RBFOX1: variants seen among roughly 807,000 people sequenced by gnomAD.
The protein encoded by RBFOX1 is RNA binding fox-1 homolog 1, also known as RNA binding protein fox-1 homolog 1.
In RBFOX1, 8 loss-of-function variants were observed where a neutral mutation model predicts 57.7. The observed-to-expected ratio is 0.14, with a 90% CI of 0.08 to 0.25. RBFOX1 has a LOEUF of 0.25. Ranked by LOEUF, RBFOX1 falls within the 10% of genes least tolerant of loss-of-function variation. The pLI, the probability that RBFOX1 is intolerant of heterozygous loss-of-function variation, is 1.00. For synonymous variants in RBFOX1, 326 were observed against 222.4 expected, an observed-to-expected ratio of 1.47 and a Z score of -4.15; for missense variants, 611 against 548.5, an observed-to-expected ratio of 1.11 and a Z score of -1.14.
At chr16:7,178,409 C>T (rs1001188453) in intron 4 of RBFOX1, among the ~76,000 whole-genome samples, 3 of 152,154 alleles carry the variant, frequency 2.0e-5, no homozygotes, top group Non-Finnish European at 4.4e-5. Flanking sequence ...CACAATCTTC[C>T]CAAGTTCGCA....
intron 4 of RBFOX1, among the ~76,000 whole-genome samples, chr16:7,152,015 C>A (rs4359462): frequency 0.38 from 58,397 of 151,938 alleles, 12,292 homozygotes; most frequent in African/African-American, 0.57. Context: ...TGGACTGGTA[C>A]TAGGCCATCG....
intron 1 of RBFOX1, among the ~76,000 whole-genome samples, chr16:5,310,213 C>T (rs1435249493): frequency 6.6e-6 from 1 of 152,062 alleles, no homozygotes; most frequent in African/African-American, 2.4e-5. Flanking sequence ...AGCTGCCTGG[C>T]CAACATGGGG....
intron 2 of RBFOX1, among the ~76,000 whole-genome samples, chr16:6,426,085 C>CCTCTCTCT (rs145432245): frequency 7.1e-6 from 1 of 141,454 alleles, no homozygotes; most frequent in Non-Finnish European, 1.5e-5. Flanking sequence ...TCATTTTCTC[C>CCTCTCTCT]CTCTCTCTCT....
intron 3 of RBFOX1, among the ~76,000 whole-genome samples, chr16:6,918,409 A>G (rs1325714562): frequency 6.6e-6 from 1 of 152,098 alleles, no homozygotes; most frequent in Non-Finnish European, 1.5e-5. Context: ...GGGCCCACTA[A>G]TATTTTTGAA....
chr16:5,321,885 C>A (rs2064419137), intron 1 of RBFOX1, among the ~76,000 whole-genome samples: 1 of 152,122 alleles, frequency 6.6e-6, no homozygotes, highest in Non-Finnish European at 1.5e-5. Flanking sequence ...AGAGCAGGGA[C>A]CCACACCTTG....
intron 4 of RBFOX1, among the ~76,000 whole-genome samples, chr16:7,256,625 G>T (rs1274482579): frequency 6.6e-6 from 1 of 152,082 alleles, no homozygotes; most frequent in African/African-American, 2.4e-5. Flanking sequence ...ACAAACCAAA[G>T]TCATATCTAA....
At chr16:7,211,884 T>A (rs2091213611) in intron 4 of RBFOX1, among the ~76,000 whole-genome samples, 1 of 152,046 alleles carries the variant, frequency 6.6e-6, no homozygotes. Flanking sequence ...CAAAATAAAA[T>A]TAGAAATGTG....
At chr16:5,892,383 A>G (rs1264989546) in intron 4 of RBFOX1, among the ~76,000 whole-genome samples, 3 of 151,960 alleles carry the variant, frequency 2.0e-5, no homozygotes, top group Non-Finnish European at 4.4e-5. Flanking sequence ...TTCCTGGATG[A>G]CCTCTGTCCA....
chr16:6,518,008 T>G (rs1238049389), intron 2 of RBFOX1, among the ~76,000 whole-genome samples: 1 of 152,180 alleles, frequency 6.6e-6, no homozygotes, highest in Non-Finnish European at 1.5e-5. Flanking sequence ...ATGATGTTCT[T>G]GATGCCTCAT....
At chr16:6,249,884 C>T (rs1396205039) in intron 1 of RBFOX1, among the ~76,000 whole-genome samples, 3 of 150,830 alleles carry the variant, frequency 2.0e-5, no homozygotes, top group South Asian at 2.1e-4. Flanking sequence ...AGTAACTCGT[C>T]GTTTAACATT....
At chr16:7,604,952 A>G (rs2095226448) in intron 9 of RBFOX1, among the ~76,000 whole-genome samples, 1 of 152,196 alleles carries the variant, frequency 6.6e-6, no homozygotes, top group Non-Finnish European at 1.5e-5. Context: ...TGAGATGGGT[A>G]ACAGTGGAAA....
At chr16:6,811,609 G>T (rs1364188965) in intron 3 of RBFOX1, among the ~76,000 whole-genome samples, 4 of 152,166 alleles carry the variant, frequency 2.6e-5, no homozygotes, top group African/African-American at 9.7e-5. Context: ...GGCACAGGAG[G>T]CCAGTTACGG....
At chr16:6,412,408 C>CT (rs933880523) in intron 2 of RBFOX1, among the ~76,000 whole-genome samples, 16 of 152,284 alleles carry the variant, frequency 1.1e-4, no homozygotes, top group African/African-American at 3.8e-4. Context: ...TTATTAGTCT[C>CT]TCTGGTTGAT....
chr16:7,138,865 A>T (rs536318946), intron 4 of RBFOX1, among the ~76,000 whole-genome samples: 2 of 152,102 alleles, frequency 1.3e-5, no homozygotes, highest in African/African-American at 4.8e-5. Context: ...CTGGAGTGCA[A>T]TGGTGTGATT....
chr16:5,408,573 C>A (rs1415560171), intron 1 of RBFOX1, among the ~76,000 whole-genome samples: 1 of 152,186 alleles, frequency 6.6e-6, no homozygotes, highest in Admixed American at 6.5e-5. Context: ...GTGCTTCCTG[C>A]TTCGGGTGTG....
intron 4 of RBFOX1, among the ~76,000 whole-genome samples, chr16:7,380,291 C>A (rs1184247741): frequency 6.6e-6 from 1 of 152,074 alleles, no homozygotes; most frequent in East Asian, 1.9e-4. Flanking sequence ...AATGTTTTTT[C>A]TCCTTCCCTT....
intron 4 of RBFOX1, among the ~76,000 whole-genome samples, chr16:7,459,045 A>T (rs2059065763): frequency 6.6e-6 from 1 of 152,080 alleles, no homozygotes; most frequent in East Asian, 1.9e-4. Flanking sequence ...TGAATGATGG[A>T]TGGATGGATG....
intron 2 of RBFOX1, among the ~76,000 whole-genome samples, chr16:6,497,737 A>G (rs1378232942): frequency 6.6e-6 from 1 of 151,804 alleles, no homozygotes; most frequent in Non-Finnish European, 1.5e-5. Context: ...TTGTATTTTT[A>G]GTAGAGACAG....
chr16:6,891,803 G>A (rs112023461), intron 3 of RBFOX1, among the ~76,000 whole-genome samples: 7 of 152,266 alleles, frequency 4.6e-5, no homozygotes, highest in African/African-American at 1.4e-4. Flanking sequence ...ATAGAGCAAA[G>A]GTTGAGCCAG....
Sources: allele counts gnomAD v4.1 joint callset (sites outside exome capture counted in the v4.1 genomes callset), GRCh38; gene constraint gnomAD v4.1.1; transcripts MANE v1.5; gene names NCBI Gene and HGNC (gene_info 2026-07-23, HGNC 2026-07-21).